SGCZ: variants seen among roughly 807,000 people sequenced by gnomAD.
SGCZ encodes sarcoglycan zeta, also known as zeta-sarcoglycan.
In SGCZ, 40 loss-of-function variants were observed where a neutral mutation model predicts 41.3. The ratio of observed to expected loss-of-function variants is 0.97; its 90% CI spans 0.75 to 1.26. SGCZ has a LOEUF of 1.26. SGCZ is among the 50% of genes most tolerant of loss of function. SGCZ has a pLI of 0.00. For missense variants in SGCZ, 552 were observed against 369.8 expected (o/e 1.49, Z -4.04); for synonymous variants, 206 against 137.5 (o/e 1.50, Z -3.49).
chr8:15,099,111 C>A (rs1324946932), intron 1 of SGCZ, among the ~76,000 whole-genome samples: 1 of 152,128 alleles, frequency 6.6e-6, no homozygotes, highest in Non-Finnish European at 1.5e-5. Flanking sequence ...TTTTATTAAA[C>A]CATGGTTTTT....
At chr8:14,272,109 T>G (rs148425665) in intron 3 of SGCZ, among the ~76,000 whole-genome samples, 1 of 152,138 alleles carries the variant, frequency 6.6e-6, no homozygotes, top group Non-Finnish European at 1.5e-5. Context: ...GTTCAAGCGA[T>G]TCTCCTGCCT....
chr8:15,196,648 A>T (rs1800742237), intron 1 of SGCZ, among the ~76,000 whole-genome samples: 1 of 152,020 alleles, frequency 6.6e-6, no homozygotes. Flanking sequence ...ATTTATTATT[A>T]TTATACTTTA....
At chr8:14,579,462 G>A (rs916906604) in intron 1 of SGCZ, among the ~76,000 whole-genome samples, 2 of 152,128 alleles carry the variant, frequency 1.3e-5, no homozygotes, top group African/African-American at 4.8e-5. Context: ...TGAATCAAGT[G>A]AAGCAGTATT....
intron 1 of SGCZ, among the ~76,000 whole-genome samples, chr8:14,659,992 A>G (rs990354724): frequency 3.3e-5 from 5 of 152,174 alleles, no homozygotes; most frequent in African/African-American, 1.2e-4. Flanking sequence ...GCCATGTACA[A>G]GGCAAGGAAC....
chr8:15,087,557 A>G (rs1805995721), intron 1 of SGCZ, among the ~76,000 whole-genome samples: 1 of 152,160 alleles, frequency 6.6e-6, no homozygotes, highest in Non-Finnish European at 1.5e-5. Context: ...ATTTGCGGAT[A>G]AAGTTGTGAC....
chr8:15,181,281 G>A (rs1158411878), intron 1 of SGCZ, among the ~76,000 whole-genome samples: 3 of 150,400 alleles, frequency 2.0e-5, no homozygotes, highest in Non-Finnish European at 4.4e-5. Flanking sequence ...TTTACTTTCT[G>A]CACCTCGCTC....
At position 14,089,463 on chromosome 8, in the gene SGCZ, G is replaced by T; in HGVS notation, c.*980C>A. Reference sequence around the variant, plus strand: ...ATTCTCAGCATTATGCATCATATTAGTATTATTTATTTAGAAGATGTTTGA... The same window carrying T: ...ATTCTCAGCATTATGCATCATATTATTATTATTTATTTAGAAGATGTTTGA... On this transcript the variant is annotated 3_prime_UTR_variant, in exon 8 of 8. Coordinates refer to ENST00000382080, the MANE Select transcript of SGCZ (RefSeq NM_139167.4). 6.6e-6 allele frequency among the ~76,000 whole-genome samples: 1 copy of T among 151,970 alleles called. No homozygotes were observed. Among genetic ancestry groups the T allele is most frequent in the Non-Finnish European group, 1.5e-5 (1 of 67,944 alleles).
intron 1 of SGCZ, among the ~76,000 whole-genome samples, chr8:14,707,245 C>A (rs1037236513): frequency 2.1e-5 from 3 of 141,694 alleles, no homozygotes; most frequent in African/African-American, 7.8e-5. Context: ...CATGTGTTCT[C>A]ATTGTTCAAT....
chr8:14,255,184 CTT>C (rs1469167710), intron 3 of SGCZ, among the ~76,000 whole-genome samples: 1 of 152,118 alleles, frequency 6.6e-6, no homozygotes, highest in Non-Finnish European at 1.5e-5. Context: ...AAGATTTCCT[CTT>C]TTGGTTCACC....
chr8:14,589,023 C>G (rs2117279162), intron 1 of SGCZ, among the ~76,000 whole-genome samples: 1 of 152,150 alleles, frequency 6.6e-6, no homozygotes, highest in South Asian at 2.1e-4. Context: ...AATATGCATT[C>G]TTCTTTCACC....
intron 2 of SGCZ, among the ~76,000 whole-genome samples, chr8:14,418,591 GTCAGTTT>G (rs151039998): frequency 0.02 from 3,061 of 151,914 alleles, 94 homozygotes; most frequent in African/African-American, 0.068. Context: ...TCAGTTTGGT[GTCAGTTT>G]TCAAAGTCTG....
At chr8:14,612,062 G>C (rs571460508) in intron 1 of SGCZ, among the ~76,000 whole-genome samples, 38 of 152,242 alleles carry the variant, frequency 2.5e-4, no homozygotes, top group Admixed American at 4.6e-4. Context: ...CTTCAAATTT[G>C]GATTTTGAAA....
chr8:14,339,681 A>C (rs778176416), intron 2 of SGCZ, among the ~76,000 whole-genome samples: 8 of 152,234 alleles, frequency 5.3e-5, no homozygotes, highest in Non-Finnish European at 1.2e-4. Context: ...AGTATAGTGC[A>C]TGAACACCAC....
intron 1 of SGCZ, among the ~76,000 whole-genome samples, chr8:14,710,019 T>A (rs570959904): frequency 1.3e-5 from 2 of 152,084 alleles, no homozygotes; most frequent in Non-Finnish European, 2.9e-5. Flanking sequence ...TCCATTAAGC[T>A]CCCTTCTGTC....
chr8:14,893,967 A>T (rs978157296), intron 1 of SGCZ, among the ~76,000 whole-genome samples: 1 of 152,180 alleles, frequency 6.6e-6, no homozygotes, highest in Non-Finnish European at 1.5e-5. Flanking sequence ...GCTGTTTGTA[A>T]CACTTTTTAA....
At chr8:14,499,084 A>G (rs1802073850) in intron 2 of SGCZ, among the ~76,000 whole-genome samples, 1 of 151,754 alleles carries the variant, frequency 6.6e-6, no homozygotes, top group Non-Finnish European at 1.5e-5. Flanking sequence ...TTATTATTTT[A>G]TTTTAGTTGA....
intron 2 of SGCZ, among the ~76,000 whole-genome samples, chr8:14,453,705 G>T (rs758430554): frequency 3.3e-5 from 5 of 152,180 alleles, no homozygotes; most frequent in African/African-American, 4.8e-5. Flanking sequence ...AGATTTTTCA[G>T]TTTGGGCAAA....
chr8:14,554,235 A>G (rs1291154007), intron 2 of SGCZ, among the ~76,000 whole-genome samples: 1 of 152,082 alleles, frequency 6.6e-6, no homozygotes, highest in Non-Finnish European at 1.5e-5. Context: ...GGCATTAGTC[A>G]ATGTACTTCA....
intron 5 of SGCZ, among the ~76,000 whole-genome samples, chr8:14,163,341 T>C (rs557768063): frequency 6.6e-6 from 1 of 152,252 alleles, no homozygotes; most frequent in Admixed American, 6.5e-5. Context: ...GCTTACAGGC[T>C]CCAGTGTGTG....
Sources: allele counts gnomAD v4.1 joint callset (sites outside exome capture counted in the v4.1 genomes callset), GRCh38; gene constraint gnomAD v4.1.1; transcripts MANE v1.5; gene names NCBI Gene and HGNC (gene_info 2026-07-23, HGNC 2026-07-21).